TRPV1: variants seen among roughly 807,000 people sequenced by gnomAD.
The protein encoded by TRPV1 is OTRPC1.
Under a neutral mutation model 82.3 loss-of-function variants are expected in TRPV1, and 82 were observed. The ratio of observed to expected loss-of-function variants is 1.00; its 90% CI spans 0.83 to 1.20. TRPV1 has a LOEUF of 1.20. Ranked by LOEUF, TRPV1 falls within the 50% of genes most tolerant of loss-of-function variation. The pLI, the probability that TRPV1 is intolerant of heterozygous loss-of-function variation, is 0.00. For synonymous variants in TRPV1, 515 were observed against 467.7 expected, an observed-to-expected ratio of 1.10 and a Z score of -1.30; for missense variants, 1,067 against 1,096.8, an observed-to-expected ratio of 0.97 and a Z score of 0.38.
At chr17:3,591,754 C>T (rs1283822451) in intron 3 of TRPV1, among the ~76,000 whole-genome samples, 2 of 152,196 alleles carry the variant, frequency 1.3e-5, no homozygotes, top group Admixed American at 6.5e-5. Context: ...CCCTCCCTGC[C>T]CTGCCTTGCA....
rs1483213513 is a variant in TRPV1, at chr17:3,585,773, C to T, written c.1378G>A (p.Gly460Ser). Reference protein sequence around the residue: ...TMAAYYRPVDGLPPFKMEKTG... With the variant: ...TMAAYYRPVDSLPPFKMEKTG... ...GCCTGAGCCTCTGGCCGCACCAAGC[C>T]ATCCACGGGCCTGTAGTAGGCAGCC... is the stretch of plus-strand genomic sequence containing the variant. The change falls in exon 9 of 17, where the codon GGC becomes AGC. Residue 460 changes from glycine (G) to serine (S), a missense_variant. Physicochemically the swap from Gly to Ser is moderately conservative, Grantham distance 56. Transcript: ENST00000572705. 4 of 1,613,066 alleles carry T rather than the reference C, an allele frequency of 2.5e-6. No homozygotes were observed. Among genetic ancestry groups the T allele is most frequent in the Admixed American group, 1.7e-5 (1 of 59,836 alleles).
chr17:3,587,252 G>A (rs1236807902), intron 8 of TRPV1, among the ~76,000 whole-genome samples: 1 of 152,190 alleles, frequency 6.6e-6, no homozygotes, highest in Admixed American at 6.5e-5. Context: ...CCCAGGGGAG[G>A]CAGAGCAGAC....
intron 11 of TRPV1, 79 bp from the exon 12 acceptor site, chr17:3,577,842 G>T: frequency 6.4e-6 from 9 of 1,403,486 alleles, no homozygotes; most frequent in Non-Finnish European, 8.8e-6. Context: ...GTCACAGGCC[G>T]CTCAGAGGTC....
chr17:3,585,646 G>A (rs543314858), intron 9 of TRPV1, 122 bp downstream of exon 9: 259 of 1,254,646 alleles, frequency 2.1e-4, no homozygotes, highest in Non-Finnish European at 2.6e-4. Flanking sequence ...CATCGCTCCC[G>A]CAAGCTGGGA....
intron 8 of TRPV1, among the ~76,000 whole-genome samples, chr17:3,587,173 T>C (rs2075095422): frequency 6.6e-6 from 1 of 152,162 alleles, no homozygotes; most frequent in Admixed American, 6.5e-5. Flanking sequence ...CCACCTCCTA[T>C]CTGGACCTCT....
At chr17:3,577,079 G>C (rs1384511646) in intron 13 of TRPV1, 47 bp downstream of exon 13, 1 of 1,550,226 alleles carries the variant, frequency 6.5e-7, no homozygotes, top group Non-Finnish European at 8.7e-7. Flanking sequence ...AGAAGGCTCA[G>C]CCAAGCAGGA....
chr17:3,573,775 T>C lies in TRPV1; in HGVS notation c.1961A>G (p.Tyr654Cys). 2 of 1,613,992 alleles carry C rather than the reference T, an allele frequency of 1.2e-6. No homozygotes were observed. The highest frequency in any genetic ancestry group is 1.7e-6 in the Non-Finnish European group (2 of 1,179,950). The change falls in exon 14 of 17, where the codon TAT becomes TGT. Residue 654 changes from tyrosine (Y) to cysteine (C), a missense_variant. Coordinates refer to ENST00000572705, the MANE Select transcript of TRPV1 (RefSeq NM_080704.4). The stretch of plus-strand genomic sequence containing the variant: ...GATGATGAAGACAGCCTTGAAGTCA[T>C]AGTTCTCAGTGAACTCCAGGTCGCC... ...GMGDLEFTEN[Y>C]DFKAVFIILL...
At position 3,591,781 on chromosome 17, in the gene TRPV1, C is replaced by CT. The variant is rs572291259; in HGVS notation, c.284+285dup. On this transcript the variant is annotated intron_variant, in intron 3 of 16. Transcript: ENST00000572705. ...TGCCTTGCAGCTCACTGGAGCTGTGCTGTGCTCTCCAAAAGCCTCCTGCCC... is the reference window on the plus strand; with the variant it reads ...TGCCTTGCAGCTCACTGGAGCTGTGCTTGTGCTCTCCAAAAGCCTCCTGCCC... 1.5e-3 allele frequency among the ~76,000 whole-genome samples: 223 copies of CT among 152,350 alleles called. 1 individual carries two copies. Among genetic ancestry groups the CT allele is most frequent in the Non-Finnish European group, 2.8e-3 (191 of 68,028 alleles).
intron 9 of TRPV1, among the ~76,000 whole-genome samples, chr17:3,584,539 G>A (rs78885284): frequency 1.3e-5 from 2 of 152,070 alleles, no homozygotes; most frequent in East Asian, 3.9e-4. Context: ...GCTCACACCT[G>A]TAATCCAAGC....
rs199653850 is a variant in TRPV1 at position 3,590,298 on chromosome 17, A to G, written c.699T>C (p.His233=). The G allele has an allele frequency of 1.9e-6, 3 of 1,613,888 alleles. No individual in the cohort carries two copies. Among genetic ancestry groups the G allele is most frequent in the Middle Eastern group, 1.7e-4 (1 of 6,060 alleles). The part of the protein sequence containing the change: ...ENGADVQAAA[H]GDFFKKTKGR... ...CTTTGGTTTTCTTAAAGAAGTCCCC[A>G]TGGGCCGCAGCCTGGACGTCTGCTC... The change falls in exon 6 of 17, where the codon CAT becomes CAC. Residue 233 remains histidine (H), a synonymous_variant. Transcript: ENST00000572705.
At chr17:3,594,117 A>G (rs2075193808) in intron 2 of TRPV1, among the ~76,000 whole-genome samples, 1 of 135,696 alleles carries the variant, frequency 7.4e-6, no homozygotes, top group African/African-American at 3.0e-5. Flanking sequence ...AACAGAGTGA[A>G]ACTCTGTCTC....
intron 2 of TRPV1, among the ~76,000 whole-genome samples, chr17:3,598,119 A>G (rs750764596): frequency 3.3e-5 from 5 of 152,226 alleles, no homozygotes; most frequent in Non-Finnish European, 7.3e-5. Context: ...GGCTGAGAAA[A>G]ACAGTGAGGT....
chr17:3,569,588 A>G (rs961692873), intron 16 of TRPV1, among the ~76,000 whole-genome samples: 4 of 152,212 alleles, frequency 2.6e-5, no homozygotes, highest in Admixed American at 6.5e-5. Context: ...TGAGTTAAAG[A>G]AGAAGAAATC....
chr17:3,576,355 T>TA (rs1480680503), intron 13 of TRPV1, among the ~76,000 whole-genome samples: 1 of 151,502 alleles, frequency 6.6e-6, no homozygotes, highest in Non-Finnish European at 1.5e-5. Context: ...CCATCTCTAT[T>TA]AAAAATATAA....
rs560708922 is a variant in TRPV1 at position 3,568,125 on chromosome 17, A to G, written c.2348-1138T>C. On this transcript the variant is annotated intron_variant, in intron 16 of 16. Transcript: ENST00000572705. ...ATCACGAGGTCAGGAGATCGAGACCATCCTGGCTAACATGGTGAAACCCCG... is the reference window on the plus strand; with the variant it reads ...ATCACGAGGTCAGGAGATCGAGACCGTCCTGGCTAACATGGTGAAACCCCG... Among the ~76,000 whole-genome samples, 399 of 152,244 alleles carry G rather than the reference A, an allele frequency of 2.6e-3. 4 individuals carry two copies. The highest frequency in any genetic ancestry group is 0.014 in the Middle Eastern group (4 of 294).
intron 12 of TRPV1, 112 bp downstream of exon 12, chr17:3,577,486 C>T: frequency 7.4e-7 from 1 of 1,344,696 alleles, no homozygotes; most frequent in Non-Finnish European, 1.0e-6. Context: ...GGGGGGTAAA[C>T]CAGCCCCTTC....
At chr17:3,574,504 C>A (rs900988862) in intron 13 of TRPV1, among the ~76,000 whole-genome samples, 2 of 152,206 alleles carry the variant, frequency 1.3e-5, no homozygotes, top group Non-Finnish European at 2.9e-5. Context: ...CCAGAGCCCA[C>A]ACCTATTAGG....
chr17:3,583,288 T>C, intron 10 of TRPV1, 50 bp downstream of exon 10: 2 of 1,504,638 alleles, frequency 1.3e-6, no homozygotes, highest in African/African-American at 2.8e-5. Flanking sequence ...TCTTCTTGGC[T>C]TTTTGTTTTG....
Position 3,576,668 on chromosome 17 carries a change from A to AAAAAAAAAAATATATATAT in TRPV1, c.1780+457_1780+458insATATATATATTTTTTTTTT. 5.1e-3 allele frequency among the ~76,000 whole-genome samples: 195 copies of AAAAAAAAAAATATATATAT among 38,280 alleles called. 2 individuals are homozygous for AAAAAAAAAAATATATATAT. The highest frequency in any genetic ancestry group is 8.5e-3 in the Non-Finnish European group (160 of 18,934). The allele number at this position is 38,280 out of a possible 152,430, so 25.1% of individuals were successfully genotyped here. ...CTCTGTATGAGAAAAAAAAAAAAAA[A>AAAAAAAAAAATATATATAT]ATATATATATATATATATATATGCA... On this transcript the variant is annotated intron_variant, in intron 13 of 16. Coordinates refer to ENST00000572705, the MANE Select transcript of TRPV1 (RefSeq NM_080704.4).
Sources: allele counts gnomAD v4.1 joint callset (sites outside exome capture counted in the v4.1 genomes callset), GRCh38; gene constraint gnomAD v4.1.1; transcripts MANE v1.5; gene names NCBI Gene and HGNC (gene_info 2026-07-23, HGNC 2026-07-21).